Variants in SMG9 observed in about 807,000 individuals in gnomAD.
The protein encoded by SMG9 is SMG9 nonsense mediated mRNA decay factor.
SMG9 carries 55 observed loss-of-function variants against 64.0 expected under a neutral mutation model. The ratio of observed to expected loss-of-function variants is 0.86; its 90% CI spans 0.69 to 1.08. The LOEUF is 1.08. Among genes scored for constraint, SMG9 ranks in the 50% least tolerant of loss-of-function variants. The pLI is 0.00. For synonymous variants in SMG9, 244 were observed against 254.8 expected (o/e 0.96, Z 0.41); for missense variants, 554 against 681.3 (o/e 0.81, Z 2.08).
intron 9 of SMG9, among the ~76,000 whole-genome samples, chr19:43,737,116 T>C (rs1400827483): frequency 6.6e-6 from 1 of 152,010 alleles, no homozygotes; most frequent in Admixed American, 6.6e-5. Flanking sequence ...CTACTAAAGA[T>C]GCAAAAATTA....
At chr19:43,738,390 C>T (rs549109725) in intron 7 of SMG9, among the ~76,000 whole-genome samples, 173 bp from the exon 8 acceptor site, 63 of 152,260 alleles carry the variant, frequency 4.1e-4, no homozygotes, top group African/African-American at 1.5e-3. Flanking sequence ...TACACTTTTC[C>T]AGCTCCTTTA....
intron 7 of SMG9, among the ~76,000 whole-genome samples, chr19:43,738,764 C>A (rs191536442): frequency 3.3e-5 from 5 of 152,340 alleles, no homozygotes; most frequent in African/African-American, 1.2e-4. Flanking sequence ...GGGGCTTTCA[C>A]AACTGCTCGC....
chr19:43,733,280 G>A, intron 12 of SMG9, 44 bp downstream of exon 12: 1 of 1,607,956 alleles, frequency 6.2e-7, no homozygotes, highest in African/African-American at 1.3e-5. Flanking sequence ...TCTCTGATCA[G>A]GATAGGACTT....
intron 6 of SMG9, among the ~76,000 whole-genome samples, chr19:43,740,594 A>G (rs142407451): frequency 1.3e-5 from 2 of 152,264 alleles, no homozygotes; most frequent in African/African-American, 2.4e-5. Flanking sequence ...GGATAACCAC[A>G]TGATCAAAAC....
In SMG9 at chr19:43,730,277, T is replaced by C. The variant is rs1393066076; in HGVS notation, c.*1319A>G. The C allele has an allele frequency of 1.3e-5, 2 of 152,216 alleles. No individual in the cohort carries two copies. The highest frequency in any genetic ancestry group is 4.8e-5 in the African/African-American group (2 of 41,450). The allele number at this position is 152,216 out of a possible 1,614,324, so 9.4% of individuals were successfully genotyped here. On this transcript the variant is annotated 3_prime_UTR_variant, in exon 14 of 14. Coordinates refer to ENST00000270066, the MANE Select transcript of SMG9 (RefSeq NM_019108.4). ...GGGTGGCGAGACCAATTTGGAGACATACTTTGGGAAACCTCAAACTAAGAT... is the reference window on the plus strand; with the variant it reads ...GGGTGGCGAGACCAATTTGGAGACACACTTTGGGAAACCTCAAACTAAGAT...
At chr19:43,735,614 C>CAAAAAAAAAAAAAA (rs889721095) in intron 9 of SMG9, among the ~76,000 whole-genome samples, 1 of 51,538 alleles carries the variant, frequency 1.9e-5, no homozygotes, top group African/African-American at 7.5e-5. Context: ...GACTCTGTCT[C>CAAAAAAAAAAAAAA]AAAAAAAAAA....
chr19:43,744,637 G>A (rs1340018203), intron 6 of SMG9, 135 bp downstream of exon 6: 5 of 569,596 alleles, frequency 8.8e-6, no homozygotes, highest in Non-Finnish European at 1.6e-5. Context: ...ATCTCATGAA[G>A]ACACTGAGGT....
intron 1 of SMG9, among the ~76,000 whole-genome samples, chr19:43,751,164 G>C (rs915215476): frequency 6.6e-6 from 1 of 150,826 alleles, no homozygotes; most frequent in Non-Finnish European, 1.5e-5. Flanking sequence ...ACAGAGTTTC[G>C]CTCTTGTCAC....
chr19:43,744,907 C>T, intron 5 of SMG9, 23 bp from the exon 6 acceptor site: 1 of 1,585,804 alleles, frequency 6.3e-7, no homozygotes, highest in South Asian at 1.1e-5. Flanking sequence ...ACATAAATGA[C>T]TCTGACAAGT....
Position 43,747,734 on chromosome 19 carries a change from G to A in SMG9, c.389C>T (p.Pro130Leu). Residue 130 changes from proline (P) to leucine (L), a missense_variant, in exon 4 of 14, where the codon CCT (proline) becomes CTT (leucine). Pro to Leu is a moderately conservative substitution (Grantham distance 98). Coordinates refer to ENST00000270066, the MANE Select transcript of SMG9 (RefSeq NM_019108.4). ...CTCCTTCTCCCCCTTGGGTGGCGCA[G>A]GGGCTGCAGGGGGTGGTGGGGCGGT... ...EGTAPPPPAA[P>L]APPKGEKEGQ... 8 of 1,610,906 alleles carry A rather than the reference G, an allele frequency of 5.0e-6. 1 individual carries two copies. Among genetic ancestry groups the A allele is most frequent in the Non-Finnish European group, 6.8e-6 (8 of 1,178,900 alleles).
intron 11 of SMG9, 77 bp from the exon 12 acceptor site, chr19:43,733,529 G>A (rs1470441518): frequency 5.6e-6 from 9 of 1,609,504 alleles, no homozygotes; most frequent in Non-Finnish European, 7.6e-6. Flanking sequence ...AGTCAAAGCA[G>A]GATCAGGAGA....
chr19:43,737,670 C>A lies in SMG9; in HGVS notation c.922G>T (p.Ala308Ser). The A allele has an allele frequency of 6.2e-7, 1 of 1,613,830 alleles. No individual in the cohort carries two copies. The highest frequency in any genetic ancestry group is 1.6e-4 in the Middle Eastern group (1 of 6,062). ...TGGCAGACCGTGAAAAGGAAGGCAG[C>A]AATCTGGAGTGACTGAGGGTGGGCA... ...TYVEMQSLQI[A>S]AFLFTVCHVV... The change falls in exon 9 of 14, where the codon GCT becomes TCT. Residue 308 changes from alanine (A) to serine (S), a missense_variant. By Grantham distance (99) the Ala-to-Ser change is moderately conservative. Coordinates refer to ENST00000270066, the MANE Select transcript of SMG9 (RefSeq NM_019108.4).
chr19:43,736,766 A>C (rs1968681892), intron 9 of SMG9, among the ~76,000 whole-genome samples: 1 of 152,206 alleles, frequency 6.6e-6, no homozygotes, highest in Non-Finnish European at 1.5e-5. Context: ...GTATCCTATT[A>C]AGGAGAGGTA....
chr19:43,753,609 T>TACC (rs1969260967), intron 1 of SMG9, among the ~76,000 whole-genome samples: 2 of 151,968 alleles, frequency 1.3e-5, no homozygotes, highest in Admixed American at 1.3e-4. Context: ...TACAGGTGCA[T>TACC]ACCACCAGGC....
At chr19:43,737,954 G>A (rs1319349171) in intron 8 of SMG9, 168 bp downstream of exon 8, 3 of 706,456 alleles carry the variant, frequency 4.2e-6, no homozygotes, top group Middle Eastern at 3.9e-4. Flanking sequence ...GCCAGGAGTT[G>A]AGCCAGTCCT....
At position 43,729,065 on chromosome 19, in the gene SMG9, G is replaced by T; in HGVS notation, c.*2531C>A. On this transcript the variant is annotated 3_prime_UTR_variant, in exon 14 of 14. Transcript: ENST00000270066. The stretch of plus-strand genomic sequence containing the variant: ...GAGTCCTCTGCTGGATGTAAAGGGG[G>T]TGGCGGGTGACCGGTACATACTTAC... The T allele has an allele frequency of 1.0e-6, 1 of 984,840 alleles. No homozygotes were observed. The allele number at this position is 984,840 out of a possible 1,614,324, so 61.0% of individuals were successfully genotyped here.
At chr19:43,745,732 T>C (rs1033605991) in intron 5 of SMG9, among the ~76,000 whole-genome samples, 2 of 152,122 alleles carry the variant, frequency 1.3e-5, no homozygotes, top group Admixed American at 6.5e-5. Context: ...CTGGGTGCAG[T>C]GGCTCACACC....
At chr19:43,744,083 G>C (rs1488504546) in intron 6 of SMG9, among the ~76,000 whole-genome samples, 1 of 151,924 alleles carries the variant, frequency 6.6e-6, no homozygotes, top group East Asian at 1.9e-4. Flanking sequence ...TGTTTCTCAA[G>C]TTCTCCCCTC....
At chr19:43,743,497 T>C (rs1051365864) in intron 6 of SMG9, among the ~76,000 whole-genome samples, 9 of 152,114 alleles carry the variant, frequency 5.9e-5, no homozygotes, top group Non-Finnish European at 1.2e-4. Context: ...TGCAAATGTG[T>C]GTAAAATTCT....
Sources: gnomAD v4.1 joint callset for allele counts (sites outside exome capture counted in the v4.1 genomes callset) on GRCh38, gnomAD v4.1.1 for gene constraint, MANE v1.5 for transcripts, NCBI Gene and HGNC (gene_info 2026-07-23, HGNC 2026-07-21) for gene names.